OLFM3: variants seen among roughly 807,000 people sequenced by gnomAD.
OLFM3 encodes the protein noelin-3.
OLFM3 carries 20 observed loss-of-function variants against 48.6 expected under a neutral mutation model. The ratio of observed to expected loss-of-function variants is 0.41; its 90% confidence interval spans 0.29 to 0.60. The LOEUF is 0.60. Ranked by LOEUF, OLFM3 falls within the 20% of genes least tolerant of loss-of-function variation. OLFM3 has a pLI of 0.28. For missense variants in OLFM3, 437 were observed against 544.3 expected, an observed-to-expected ratio of 0.80 and a Z score of 1.96; for synonymous variants, 222 against 198.1, an observed-to-expected ratio of 1.12 and a Z score of -1.01.
At chr1:101,975,639 C>T (rs1342127548) in intron 1 of OLFM3, among the ~76,000 whole-genome samples, 2 of 152,216 alleles carry the variant, frequency 1.3e-5, no homozygotes, top group East Asian at 3.9e-4. Flanking sequence ...TGACCACTGT[C>T]ACAGAAAGGT....
intron 1 of OLFM3, among the ~76,000 whole-genome samples, chr1:101,851,077 G>C (rs1177170182): frequency 1.3e-5 from 2 of 152,122 alleles, no homozygotes; most frequent in Admixed American, 1.3e-4. Flanking sequence ...ACATAAAATA[G>C]AAGAAGGTGG....
chr1:101,953,775 A>G (rs919811702), intron 1 of OLFM3, among the ~76,000 whole-genome samples: 2 of 152,142 alleles, frequency 1.3e-5, no homozygotes, highest in Non-Finnish European at 2.9e-5. Context: ...GTAGAACAGG[A>G]TGCTGGGCCC....
chr1:101,844,093 C>T (rs6661276), intron 1 of OLFM3, among the ~76,000 whole-genome samples: 55,472 of 152,018 alleles, frequency 0.36, 13,204 homozygotes, highest in Non-Finnish European at 0.54. Flanking sequence ...TGGCCCTCCA[C>T]ATGGAAGCAG....
At chr1:101,885,243 C>T (rs1452685323) in intron 1 of OLFM3, among the ~76,000 whole-genome samples, 36 of 151,958 alleles carry the variant, frequency 2.4e-4, no homozygotes, top group Admixed American at 2.4e-3. Context: ...AGCTAATAGA[C>T]ACCACACCAC....
At chr1:101,870,691 A>C (rs1452738753) in intron 1 of OLFM3, among the ~76,000 whole-genome samples, 1 of 152,090 alleles carries the variant, frequency 6.6e-6, no homozygotes, top group Non-Finnish European at 1.5e-5. Flanking sequence ...GCCTCAAGCA[A>C]ACTTAGGAGA....
At chr1:101,832,713 G>T (rs571772044) in intron 2 of OLFM3, among the ~76,000 whole-genome samples, 1 of 152,284 alleles carries the variant, frequency 6.6e-6, no homozygotes, top group East Asian at 1.9e-4. Flanking sequence ...TCTTGGGTTT[G>T]TAATAGTAAT....
At chr1:101,968,821 T>C (rs567531050) in intron 1 of OLFM3, among the ~76,000 whole-genome samples, 147 of 152,350 alleles carry the variant, frequency 9.6e-4, no homozygotes, top group African/African-American at 3.3e-3. Flanking sequence ...CAGAAATCAC[T>C]GGAGTTTTTA....
Position 101,803,691 on chromosome 1 carries a change from AAG to A in OLFM3, c.*545_*546del. 6.6e-6 allele frequency: 1 copy of A among 152,382 alleles called. No individual in the cohort carries two copies. Among genetic ancestry groups the A allele is most frequent in the East Asian group, 1.9e-4 (1 of 5,142 alleles). The allele number at this position is 152,382 out of a possible 1,614,324, so 9.4% of individuals were successfully genotyped here. ...TACATACTGCCAATAAAATGTTAGC[AAG>A]AGATTTAAAAATGACTGTACAGCAC... On this transcript the variant is annotated 3_prime_UTR_variant, in exon 6 of 6. Coordinates refer to ENST00000370103, the MANE Select transcript of OLFM3 (RefSeq NM_058170.4).
intron 1 of OLFM3, among the ~76,000 whole-genome samples, chr1:101,942,330 C>T (rs6702103): frequency 0.4 from 61,017 of 152,002 alleles, 12,535 homozygotes; most frequent in East Asian, 0.51. Flanking sequence ...GGTGCTGTAA[C>T]AATCAGGTTT....
At chr1:101,876,216 T>C (rs1391395482) in intron 1 of OLFM3, among the ~76,000 whole-genome samples, 2 of 151,956 alleles carry the variant, frequency 1.3e-5, no homozygotes, top group African/African-American at 4.8e-5. Context: ...TTCCCACAAC[T>C]CTCTTCTTAC....
At chr1:101,908,481 A>G (rs1658630779) in intron 1 of OLFM3, among the ~76,000 whole-genome samples, 1 of 152,184 alleles carries the variant, frequency 6.6e-6, no homozygotes, top group African/African-American at 2.4e-5. Flanking sequence ...TTCTCAATGG[A>G]GCAATTCTGC....
intron 1 of OLFM3, among the ~76,000 whole-genome samples, chr1:101,933,228 A>AAAAAAAAG (rs1557735950): frequency 6.9e-6 from 1 of 144,042 alleles, no homozygotes; most frequent in African/African-American, 2.6e-5. Flanking sequence ...AAAAAAAAAA[A>AAAAAAAAG]AGAGAAAAAA....
intron 1 of OLFM3, among the ~76,000 whole-genome samples, chr1:101,896,488 C>CTTTTTTT (rs35260761): frequency 2.2e-4 from 17 of 76,694 alleles, no homozygotes; most frequent in African/African-American, 3.5e-4. Flanking sequence ...TGCTTACACA[C>CTTTTTTT]TTTTTTTTTT....
At chr1:101,981,409 A>G (rs1423278543) in intron 1 of OLFM3, among the ~76,000 whole-genome samples, 1 of 152,198 alleles carries the variant, frequency 6.6e-6, no homozygotes, top group Non-Finnish European at 1.5e-5. Flanking sequence ...GTAGAGTGTT[A>G]TTTCTTCCAT....
intron 1 of OLFM3, among the ~76,000 whole-genome samples, chr1:101,888,187 G>A (rs971560092): frequency 6.6e-6 from 1 of 152,078 alleles, no homozygotes; most frequent in Non-Finnish European, 1.5e-5. Flanking sequence ...AGCCTGCATT[G>A]CCAAGACAAT....
chr1:101,854,088 A>G (rs1398747019), intron 1 of OLFM3, among the ~76,000 whole-genome samples: 1 of 152,054 alleles, frequency 6.6e-6, no homozygotes, highest in African/African-American at 2.4e-5. Context: ...AAACCATTTC[A>G]CTATCTATAT....
chr1:101,938,453 C>T (rs938023055), intron 1 of OLFM3, among the ~76,000 whole-genome samples: 5 of 152,204 alleles, frequency 3.3e-5, no homozygotes, highest in Non-Finnish European at 5.9e-5. Flanking sequence ...TCTCCACTTT[C>T]GCCTTCTTTA....
intron 1 of OLFM3, among the ~76,000 whole-genome samples, chr1:101,854,679 T>C (rs1656348318): frequency 6.6e-6 from 1 of 151,970 alleles, no homozygotes; most frequent in Non-Finnish European, 1.5e-5. Context: ...AAATAGGAAA[T>C]AAAGATATTA....
intron 1 of OLFM3, chr1:101,837,920 T>C (rs2100926062): frequency 6.6e-6 from 1 of 152,342 alleles, no homozygotes; most frequent in South Asian, 2.1e-4. Flanking sequence ...AAACTGTCTG[T>C]ACTATTCATT....
Sources: gnomAD v4.1 joint callset for allele counts (sites outside exome capture counted in the v4.1 genomes callset) on GRCh38, gnomAD v4.1.1 for gene constraint, MANE v1.5 for transcripts, NCBI Gene and HGNC (gene_info 2026-07-23, HGNC 2026-07-21) for gene names.